The following CNTNAP2 variants were observed in gnomAD, a reference collection of about 807,000 sequenced individuals.
CNTNAP2 encodes the protein contactin associated protein 2.
Under a neutral mutation model 155.2 loss-of-function variants are expected in CNTNAP2, and 98 were observed. The observed-to-expected ratio is 0.63, with a 90% confidence interval of 0.54 to 0.75. The LOEUF is 0.75. Among genes scored for constraint, CNTNAP2 ranks in the 30% least tolerant of loss-of-function variants. The probability of loss-of-function intolerance (pLI) is 0.00; values close to 1 mark genes in which losing one functional copy is unlikely to be tolerated. For synonymous variants in CNTNAP2, 651 were observed against 631.2 expected (o/e 1.03, Z -0.47); for missense variants, 1,727 against 1,688.1 (o/e 1.02, Z -0.40).
intron 3 of CNTNAP2, among the ~76,000 whole-genome samples, chr7:146,842,474 TGTTA>T (rs1356515088): frequency 6.6e-6 from 1 of 152,166 alleles, no homozygotes. Flanking sequence ...TTGGAGACTA[TGTTA>T]GTCTGTTCTT....
intron 16 of CNTNAP2, among the ~76,000 whole-genome samples, chr7:148,143,665 C>A (rs552903677): frequency 1.3e-5 from 2 of 152,134 alleles, no homozygotes; most frequent in South Asian, 2.1e-4. Context: ...GGTGACAGAA[C>A]AAGACCCTGT....
chr7:146,876,657 A>G (rs1293940763), intron 3 of CNTNAP2, among the ~76,000 whole-genome samples: 1 of 152,158 alleles, frequency 6.6e-6, no homozygotes, highest in Non-Finnish European at 1.5e-5. Context: ...GATTTAAAAC[A>G]TGTATTCTCA....
intron 15 of CNTNAP2, among the ~76,000 whole-genome samples, chr7:148,054,267 C>T (rs1040644313): frequency 1.3e-5 from 2 of 152,018 alleles, no homozygotes; most frequent in South Asian, 2.1e-4. Context: ...CCACTGCGCC[C>T]GGCTAATTCC....
At chr7:147,583,503 C>CATATATATATATATATATATATAT (rs71183019) in intron 12 of CNTNAP2, among the ~76,000 whole-genome samples, 2 of 129,166 alleles carry the variant, frequency 1.5e-5, no homozygotes, top group African/African-American at 3.0e-5. Flanking sequence ...AAAGACATGA[C>CATATATATATATATATATATATAT]ATATATATAT....
At chr7:147,019,679 G>A (rs1464497757) in intron 3 of CNTNAP2, among the ~76,000 whole-genome samples, 9 of 152,034 alleles carry the variant, frequency 5.9e-5, no homozygotes, top group African/African-American at 2.2e-4. Flanking sequence ...AGGAATGCAG[G>A]TGAATAAAGA....
intron 1 of CNTNAP2, among the ~76,000 whole-genome samples, chr7:146,173,689 A>G (rs540745932): frequency 6.6e-6 from 1 of 152,310 alleles, no homozygotes; most frequent in South Asian, 2.1e-4. Flanking sequence ...AATAATTTCC[A>G]TGAGAACTAG....
At chr7:146,558,860 C>T (rs990167385) in intron 1 of CNTNAP2, among the ~76,000 whole-genome samples, 9 of 152,130 alleles carry the variant, frequency 5.9e-5, no homozygotes, top group East Asian at 1.9e-4. Context: ...GTATTTGTTC[C>T]GTGTCTGGCT....
Position 147,395,672 on chromosome 7 carries a change from T to G in CNTNAP2, c.1562T>G (p.Met521Arg). ...SVLQPSFQGC[M>R]QLIQVDDQLV... ...CTTCAGCCTTCATTCCAAGGATGCATGCAGCTCATTCAAGTGGACGATCAA... is the reference window on the plus strand; with the variant it reads ...CTTCAGCCTTCATTCCAAGGATGCAGGCAGCTCATTCAAGTGGACGATCAA... Residue 521 changes from methionine to arginine, a missense_variant, in exon 10 of 24, where the codon ATG becomes AGG. Physicochemically the swap from Met to Arg is moderately conservative, Grantham distance 91. Coordinates refer to ENST00000361727, the MANE Select transcript of CNTNAP2 (RefSeq NM_014141.6). The G allele has an allele frequency of 1.9e-6, 3 of 1,612,624 alleles. No homozygotes were observed. Among genetic ancestry groups the G allele is most frequent in the Non-Finnish European group, 2.5e-6 (3 of 1,178,848 alleles).
chr7:147,195,566 C>T (rs2116535256), intron 8 of CNTNAP2, among the ~76,000 whole-genome samples: 1 of 152,040 alleles, frequency 6.6e-6, no homozygotes, highest in East Asian at 1.9e-4. Flanking sequence ...AATGTTTTTC[C>T]ATTTGTTTGT....
Position 146,984,240 on chromosome 7 carries a change from G to A in CNTNAP2, c.403-59667G>A, listed in dbSNP as rs551922020. Among the ~76,000 whole-genome samples the A allele has an allele frequency of 1.3e-4, 20 of 151,792 alleles. No individual in the cohort carries two copies. The East Asian group carries it at 3.7e-3, about 28-fold the overall frequency. ...AAATTAGTCGGGTGTGGTGGGACAC[G>A]CCTGTAATCCCAGCTACTCGGGAGG... On this transcript the variant is annotated intron_variant, in intron 3 of 23. Coordinates refer to ENST00000361727, the MANE Select transcript of CNTNAP2 (RefSeq NM_014141.6).
chr7:147,290,409 C>T (rs932610094), intron 8 of CNTNAP2, among the ~76,000 whole-genome samples: 1 of 152,086 alleles, frequency 6.6e-6, no homozygotes, highest in Admixed American at 6.6e-5. Flanking sequence ...TGGCAGGGTG[C>T]AGTGGCTCAC....
At chr7:148,400,817 TA>T (rs1205500415) in intron 22 of CNTNAP2, among the ~76,000 whole-genome samples, 6 of 152,100 alleles carry the variant, frequency 3.9e-5, no homozygotes, top group African/African-American at 1.4e-4. Context: ...CAATCTCTAC[TA>T]AAAATACAAA....
intron 18 of CNTNAP2, among the ~76,000 whole-genome samples, chr7:148,203,364 C>T (rs548083225): frequency 1.3e-5 from 2 of 152,334 alleles, no homozygotes; most frequent in East Asian, 3.9e-4. Context: ...AAACTATGTT[C>T]TCCAGCATCT....
chr7:148,415,858 C>CTTTTAGAGTTTA lies in CNTNAP2; in HGVS notation c.*243_*254dup. 1 of 587,178 alleles carries CTTTTAGAGTTTA rather than the reference C, an allele frequency of 1.7e-6. No individual in the cohort carries two copies. Among genetic ancestry groups the CTTTTAGAGTTTA allele is most frequent in the Non-Finnish European group, 3.0e-6 (1 of 334,164 alleles). The allele number at this position is 587,178 out of a possible 1,614,324, so 36.4% of individuals were successfully genotyped here. A position where few individuals can be genotyped will look rare whatever the true frequency, so the allele number is the denominator to read the frequency against. On this transcript the variant is annotated 3_prime_UTR_variant, in exon 24 of 24. Transcript: ENST00000361727. ...TCAAAACAAAATAATACAAAAAATGCTTTTAGAGTTTAAGCAATGGTTGAA... is the reference window on the plus strand; with the variant it reads ...TCAAAACAAAATAATACAAAAAATGCTTTTAGAGTTTATTTTAGAGTTTAAGCAATGGTTGAA...
intron 11 of CNTNAP2, among the ~76,000 whole-genome samples, chr7:147,555,796 G>A (rs545011470): frequency 2.0e-5 from 3 of 152,310 alleles, no homozygotes; most frequent in East Asian, 1.9e-4. Flanking sequence ...CTCAAAGCAC[G>A]AGGAGTAGAC....
At chr7:146,792,803 A>C (rs1407031334) in intron 2 of CNTNAP2, among the ~76,000 whole-genome samples, 3 of 152,226 alleles carry the variant, frequency 2.0e-5, no homozygotes, top group Non-Finnish European at 4.4e-5. Flanking sequence ...AATCAAAAGA[A>C]AATAGATACT....
At chr7:148,098,267 A>C (rs1804014273) in intron 15 of CNTNAP2, among the ~76,000 whole-genome samples, 1 of 151,606 alleles carries the variant, frequency 6.6e-6, no homozygotes, top group African/African-American at 2.4e-5. Context: ...AACATGGTGA[A>C]ACCCCACCTC....
chr7:146,990,104 G>A (rs1438786810), intron 3 of CNTNAP2, among the ~76,000 whole-genome samples: 1 of 152,114 alleles, frequency 6.6e-6, no homozygotes, highest in Non-Finnish European at 1.5e-5. Flanking sequence ...TTGAGGATTT[G>A]CAAGAGGACA....
At chr7:146,313,159 T>C (rs1405593227) in intron 1 of CNTNAP2, among the ~76,000 whole-genome samples, 1 of 152,346 alleles carries the variant, frequency 6.6e-6, no homozygotes, top group East Asian at 1.9e-4. Context: ...GGTGTACTAA[T>C]ATACTTTCCC....
Sources: gnomAD v4.1 joint callset for allele counts (sites outside exome capture counted in the v4.1 genomes callset) on GRCh38, gnomAD v4.1.1 for gene constraint, MANE v1.5 for transcripts, NCBI Gene and HGNC (gene_info 2026-07-23, HGNC 2026-07-21) for gene names.